Variants in CAMK2D observed in about 807,000 individuals in gnomAD.
CAMK2D encodes calcium/calmodulin-dependent protein kinase type II subunit delta.
In CAMK2D, 37 loss-of-function variants were observed where a neutral mutation model predicts 84.0. The observed-to-expected ratio is 0.44, with a 90% confidence interval of 0.34 to 0.58. CAMK2D has a LOEUF of 0.58. Ranked by LOEUF, CAMK2D falls within the 20% of genes least tolerant of loss-of-function variation. The probability of loss-of-function intolerance (pLI) is 0.02; values close to 1 mark genes in which losing one functional copy is unlikely to be tolerated. For synonymous variants in CAMK2D, 202 were observed against 212.5 expected (o/e 0.95, Z 0.43); for missense variants, 448 against 652.5 (o/e 0.69, Z 3.41).
At chr4:113,516,273 G>A (rs1450410720) in intron 9 of CAMK2D, among the ~76,000 whole-genome samples, 1 of 152,154 alleles carries the variant, frequency 6.6e-6, no homozygotes, top group Non-Finnish European at 1.5e-5. Flanking sequence ...TTTGGCAGTT[G>A]TAAAAGCTTG....
intron 3 of CAMK2D, among the ~76,000 whole-genome samples, chr4:113,619,962 AAT>A (rs1467404499): frequency 6.6e-6 from 1 of 152,176 alleles, no homozygotes; most frequent in African/African-American, 2.4e-5. Flanking sequence ...AGCCATGAAG[AAT>A]GATGGCAGAA....
At chr4:113,473,788 C>A (rs535645155) in intron 16 of CAMK2D, among the ~76,000 whole-genome samples, 209 of 152,138 alleles carry the variant, frequency 1.4e-3, no homozygotes, top group Middle Eastern at 6.8e-3. Context: ...ATTAACAAAT[C>A]TTTAAGATCA....
chr4:113,576,533 A>C (rs1287698291), intron 4 of CAMK2D, among the ~76,000 whole-genome samples: 1 of 152,112 alleles, frequency 6.6e-6, no homozygotes, highest in African/African-American at 2.4e-5. Flanking sequence ...GTGCCCACAC[A>C]CAAGTACACA....
chr4:113,678,440 A>T (rs1170160191), intron 2 of CAMK2D, among the ~76,000 whole-genome samples: 2 of 150,246 alleles, frequency 1.3e-5, no homozygotes, highest in African/African-American at 4.9e-5. Flanking sequence ...CATTTCTGTG[A>T]TTTTATAGTT....
intron 4 of CAMK2D, among the ~76,000 whole-genome samples, chr4:113,565,102 TCTC>T (rs2154215000): frequency 6.6e-6 from 1 of 152,290 alleles, no homozygotes; most frequent in Non-Finnish European, 1.5e-5. Context: ...ATGTGGTCAA[TCTC>T]CTGTCAGACC....
At chr4:113,644,127 G>T (rs981745944) in intron 3 of CAMK2D, among the ~76,000 whole-genome samples, 1 of 152,122 alleles carries the variant, frequency 6.6e-6, no homozygotes, top group East Asian at 1.9e-4. Context: ...TTCATAAGAC[G>T]TGCAGACCCT....
chr4:113,719,817 C>T (rs2099524887), intron 2 of CAMK2D, among the ~76,000 whole-genome samples: 1 of 152,120 alleles, frequency 6.6e-6, no homozygotes. Flanking sequence ...CTACTCAAAG[C>T]GCTGATCTCT....
intron 2 of CAMK2D, among the ~76,000 whole-genome samples, chr4:113,712,121 G>C (rs1341191757): frequency 6.6e-6 from 1 of 152,050 alleles, no homozygotes; most frequent in Non-Finnish European, 1.5e-5. Flanking sequence ...GTATCATTTA[G>C]AGATAAAACT....
intron 16 of CAMK2D, among the ~76,000 whole-genome samples, chr4:113,482,611 A>T (rs1182271913): frequency 6.6e-6 from 1 of 152,244 alleles, no homozygotes; most frequent in African/African-American, 2.4e-5. Flanking sequence ...GACATTTAAA[A>T]ATATAACTTA....
At chr4:113,758,696 T>C (rs969166753) in intron 2 of CAMK2D, among the ~76,000 whole-genome samples, 3 of 152,164 alleles carry the variant, frequency 2.0e-5, no homozygotes, top group African/African-American at 7.2e-5. Context: ...ATTTTACGAG[T>C]ATGAATTATC....
At chr4:113,701,642 T>C (rs1473729222) in intron 2 of CAMK2D, among the ~76,000 whole-genome samples, 4 of 152,144 alleles carry the variant, frequency 2.6e-5, no homozygotes, top group Non-Finnish European at 5.9e-5. Flanking sequence ...CCTGGGAAAG[T>C]TATGACCTTG....
intron 5 of CAMK2D, among the ~76,000 whole-genome samples, chr4:113,550,253 G>C (rs544701566): frequency 6.6e-6 from 1 of 152,180 alleles, no homozygotes; most frequent in South Asian, 2.1e-4. Flanking sequence ...GATCTCTGCA[G>C]CCTCCACCTC....
intron 2 of CAMK2D, chr4:113,754,467 G>A (rs1258986058): frequency 1.1e-6 from 1 of 924,570 alleles, no homozygotes; most frequent in African/African-American, 1.8e-5. Context: ...GTGACATATT[G>A]CTAAATTTTA....
At chr4:113,753,690 A>T (rs2099622232) in intron 2 of CAMK2D, 1 of 609,642 alleles carries the variant, frequency 1.6e-6, no homozygotes, top group Non-Finnish European at 2.1e-6. Context: ...TAATTACAAC[A>T]AATTTACCAT....
intron 2 of CAMK2D, among the ~76,000 whole-genome samples, chr4:113,718,272 G>C (rs900465181): frequency 6.6e-6 from 1 of 152,122 alleles, no homozygotes; most frequent in Non-Finnish European, 1.5e-5. Flanking sequence ...GGGGATCAGG[G>C]TTTTTAAGGA....
chr4:113,538,631 C>T (rs1281682595), intron 6 of CAMK2D, among the ~76,000 whole-genome samples: 1 of 152,158 alleles, frequency 6.6e-6, no homozygotes, highest in African/African-American at 2.4e-5. Context: ...TAATGTCATG[C>T]TTTAAAAATC....
chr4:113,744,464 C>T (rs1364153868), intron 2 of CAMK2D, among the ~76,000 whole-genome samples: 1 of 152,160 alleles, frequency 6.6e-6, no homozygotes, highest in Non-Finnish European at 1.5e-5. Context: ...CAAATCACTG[C>T]ATTATCCTAA....
intron 2 of CAMK2D, among the ~76,000 whole-genome samples, chr4:113,756,166 G>A (rs1221164139): frequency 4.6e-5 from 7 of 151,948 alleles, no homozygotes; most frequent in Non-Finnish European, 1.0e-4. Flanking sequence ...ACTGTCTGCT[G>A]GAAATCCATT....
intron 2 of CAMK2D, among the ~76,000 whole-genome samples, chr4:113,716,072 C>T (rs561604136): frequency 1.0e-3 from 154 of 152,286 alleles, no homozygotes; most frequent in African/African-American, 3.7e-3. Context: ...AATTGCTCCA[C>T]TTCAGTCATT....
Sources: gnomAD v4.1 joint callset for allele counts (sites outside exome capture counted in the v4.1 genomes callset) on GRCh38, gnomAD v4.1.1 for gene constraint, MANE v1.5 for transcripts, NCBI Gene and HGNC (gene_info 2026-07-23, HGNC 2026-07-21) for gene names.